Variants in PEX5L observed in about 807,000 individuals in gnomAD.
The protein encoded by PEX5L is PEX5-related protein.
In PEX5L, 30 loss-of-function variants were observed where a neutral mutation model predicts 84.0. The observed-to-expected ratio is 0.36, with a 90% confidence interval of 0.27 to 0.48. PEX5L has a LOEUF of 0.48. Ranked by LOEUF, PEX5L falls within the 20% of genes least tolerant of loss-of-function variation. The probability of loss-of-function intolerance (pLI) is 0.99; values close to 1 mark genes in which losing one functional copy is unlikely to be tolerated. For synonymous variants in PEX5L, 270 were observed against 283.1 expected (o/e 0.95, Z 0.46); for missense variants, 533 against 754.6 (o/e 0.71, Z 3.44).
At chr3:179,986,447 G>C (rs2110350391) in intron 1 of PEX5L, among the ~76,000 whole-genome samples, 1 of 142,570 alleles carries the variant, frequency 7.0e-6, no homozygotes, top group South Asian at 2.2e-4. Context: ...CTGTCACCCA[G>C]GCTGGAGTGC....
chr3:179,822,097 T>A (rs1446007202), intron 8 of PEX5L, among the ~76,000 whole-genome samples: 1 of 152,238 alleles, frequency 6.6e-6, no homozygotes, highest in Non-Finnish European at 1.5e-5. Flanking sequence ...AGATGCAGGT[T>A]TAACCTGTCT....
At chr3:179,867,519 C>A (rs773320929) in intron 7 of PEX5L, among the ~76,000 whole-genome samples, 2 of 152,142 alleles carry the variant, frequency 1.3e-5, no homozygotes, top group African/African-American at 2.4e-5. Flanking sequence ...TCATTAATCA[C>A]TCACTGTGTG....
chr3:179,939,761 C>A (rs905760750), intron 2 of PEX5L, among the ~76,000 whole-genome samples: 2 of 152,180 alleles, frequency 1.3e-5, no homozygotes, highest in Admixed American at 6.5e-5. Flanking sequence ...CAGGCCCCCC[C>A]ACTGAGTGAG....
chr3:179,832,941 CA>C (rs113757820), intron 8 of PEX5L, among the ~76,000 whole-genome samples: 16 of 152,240 alleles, frequency 1.1e-4, no homozygotes, highest in African/African-American at 3.9e-4. Flanking sequence ...AACTAATCTT[CA>C]ACTGTTAAAC....
chr3:179,901,437 C>A (rs1220193865), intron 2 of PEX5L, among the ~76,000 whole-genome samples: 1 of 152,164 alleles, frequency 6.6e-6, no homozygotes. Flanking sequence ...TACATTCAAG[C>A]ATATAAGCAG....
chr3:179,816,013 C>T lies in PEX5L; in HGVS notation c.940-9G>A. ...GTGTGAAAGTAATATCCCTGCAACA[C>T]AGAAAAAGGCCAGTGCATGAGCCAT... is the stretch of plus-strand genomic sequence containing the variant. On this transcript the variant is annotated splice_polypyrimidine_tract_variant and intron_variant, in intron 9 of 14. Transcript: ENST00000467460. The T allele has an allele frequency of 6.2e-7, 1 of 1,613,684 alleles. No homozygotes were observed. The highest frequency in any genetic ancestry group is 8.5e-7 in the Non-Finnish European group (1 of 1,179,736).
chr3:179,905,231 C>G (rs527538095), intron 2 of PEX5L, among the ~76,000 whole-genome samples: 8 of 151,936 alleles, frequency 5.3e-5, no homozygotes, highest in African/African-American at 1.2e-4. Context: ...GGGTGGACTC[C>G]TGACCATCCA....
At chr3:179,923,466 C>T (rs553620840) in intron 2 of PEX5L, among the ~76,000 whole-genome samples, 1 of 152,288 alleles carries the variant, frequency 6.6e-6, no homozygotes, top group Admixed American at 6.5e-5. Context: ...GCAGCCTCAG[C>T]ATCAGCATCA....
intron 4 of PEX5L, among the ~76,000 whole-genome samples, chr3:179,882,463 C>T (rs1453095124): frequency 6.6e-6 from 1 of 152,174 alleles, no homozygotes; most frequent in Non-Finnish European, 1.5e-5. Context: ...ATGCTTGGCA[C>T]ACACAGAAAG....
At chr3:179,968,727 GTGTGTC>G (rs1784000265) in intron 2 of PEX5L, among the ~76,000 whole-genome samples, 1 of 146,428 alleles carries the variant, frequency 6.8e-6, no homozygotes, top group Non-Finnish European at 1.5e-5. Context: ...GTGTGTCTGT[GTGTGTC>G]TGTGTGTCTG....
At chr3:179,850,469 C>T (rs1429401004) in intron 8 of PEX5L, among the ~76,000 whole-genome samples, 1 of 152,146 alleles carries the variant, frequency 6.6e-6, no homozygotes, top group African/African-American at 2.4e-5. Flanking sequence ...TCTCAGCATT[C>T]ATTGCAAGTG....
intron 1 of PEX5L, among the ~76,000 whole-genome samples, chr3:180,011,967 A>G (rs1230990542): frequency 1.3e-5 from 2 of 152,238 alleles, no homozygotes; most frequent in Admixed American, 6.5e-5. Flanking sequence ...CATAAAATTC[A>G]GTATCCAACT....
chr3:179,989,239 TAAG>T (rs1271346078), intron 1 of PEX5L, among the ~76,000 whole-genome samples: 1 of 152,194 alleles, frequency 6.6e-6, no homozygotes, highest in African/African-American at 2.4e-5. Flanking sequence ...TTCGTAGAAT[TAAG>T]AAGTATCACC....
chr3:179,871,004 G>T (rs1750113302), intron 7 of PEX5L, among the ~76,000 whole-genome samples: 1 of 151,780 alleles, frequency 6.6e-6, no homozygotes, highest in African/African-American at 2.4e-5. Flanking sequence ...TTGTAAATGG[G>T]TCTTCACCTG....
chr3:179,972,390 T>C (rs986626688), intron 1 of PEX5L, among the ~76,000 whole-genome samples: 1 of 152,050 alleles, frequency 6.6e-6, no homozygotes, highest in Non-Finnish European at 1.5e-5. Context: ...GAAAAGGACA[T>C]AGATAATGAT....
chr3:179,968,724 T>C (rs6799492), intron 2 of PEX5L, among the ~76,000 whole-genome samples: 6,460 of 124,706 alleles, frequency 0.052, 439 homozygotes, highest in African/African-American at 0.19. Context: ...TGTGTGTGTC[T>C]GTGTGTGTCT....
chr3:179,986,070 T>C (rs1291898719), intron 1 of PEX5L, among the ~76,000 whole-genome samples: 3 of 152,064 alleles, frequency 2.0e-5, no homozygotes, highest in Non-Finnish European at 4.4e-5. Context: ...TCTCTGCACA[T>C]TGATCCCAAC....
At chr3:179,872,205 T>C (rs1031261984) in intron 7 of PEX5L, among the ~76,000 whole-genome samples, 5 of 152,210 alleles carry the variant, frequency 3.3e-5, no homozygotes, top group African/African-American at 9.6e-5. Flanking sequence ...TTAACATCTT[T>C]TTGTCTTTTA....
At position 179,893,755 on chromosome 3, in the gene PEX5L, A is replaced by G. The variant is rs572093079; in HGVS notation, c.198+4387T>C. Among the ~76,000 whole-genome samples, 97 of 152,278 alleles carry G rather than the reference A, an allele frequency of 6.4e-4. 1 individual carries two copies. The South Asian group carries it at 7.2e-3, about 11-fold the overall frequency. The stretch of plus-strand genomic sequence containing the variant: ...TTTTAAAGTTAAAACATTGAAGCTA[A>G]TAAGTTTAAAACAGCTGACAAATAT... On this transcript the variant is annotated intron_variant, in intron 3 of 14. Coordinates refer to ENST00000467460, the MANE Select transcript of PEX5L (RefSeq NM_016559.3).
Sources: allele counts gnomAD v4.1 joint callset (sites outside exome capture counted in the v4.1 genomes callset), GRCh38; gene constraint gnomAD v4.1.1; transcripts MANE v1.5; gene names NCBI Gene and HGNC (gene_info 2026-07-23, HGNC 2026-07-21).